The following EVL variants were observed in gnomAD, a reference collection of about 807,000 sequenced individuals.
The protein encoded by EVL is Enah/Vasp-like, also known as ena/VASP-like protein.
EVL carries 21 observed loss-of-function variants against 59.6 expected under a neutral mutation model. The ratio of observed to expected loss-of-function variants is 0.35; its 90% CI spans 0.25 to 0.51. EVL has a LOEUF of 0.51. Among genes scored for constraint, EVL ranks in the 20% least tolerant of loss-of-function variants. The pLI, the probability that EVL is intolerant of heterozygous loss-of-function variation, is 0.97. For missense variants in EVL, 462 were observed against 546.6 expected (o/e 0.85, Z 1.54); for synonymous variants, 198 against 203.5 (o/e 0.97, Z 0.23).
chr14:100,126,281 A>G (rs983477397), intron 4 of EVL, among the ~76,000 whole-genome samples: 1 of 152,168 alleles, frequency 6.6e-6, no homozygotes, highest in East Asian at 1.9e-4. Context: ...CTTTGTGTCC[A>G]TTTCTGCTGG....
At chr14:100,007,099 C>A in intron 1 of EVL, among the ~76,000 whole-genome samples, 1 of 152,054 alleles carries the variant, frequency 6.6e-6, no homozygotes, top group Middle Eastern at 3.4e-3. Context: ...TGAAGACGTG[C>A]GCCTGTCACA....
intron 1 of EVL, among the ~76,000 whole-genome samples, chr14:100,066,799 A>T (rs1413629681): frequency 6.6e-6 from 1 of 152,214 alleles, no homozygotes; most frequent in African/African-American, 2.4e-5. Flanking sequence ...AATCGTAGAA[A>T]TCCTAGAAAT....
At chr14:100,143,654 C>G in intron 13 of EVL, 47 bp from the exon 14 acceptor site, 1 of 1,564,356 alleles carries the variant, frequency 6.4e-7, no homozygotes, top group Non-Finnish European at 8.5e-7. Context: ...AGGAACCGGG[C>G]TGCACTGGTC....
Position 100,098,287 on chromosome 14 carries a change from G to A in EVL, c.358+629G>A, listed in dbSNP as rs370356325. ...CCACAGTGGTGGTGCCGTCTGAGCCGGAGTTCTGGGTGAGCAGTTCACAGG... is the reference window on the plus strand; with the variant it reads ...CCACAGTGGTGGTGCCGTCTGAGCCAGAGTTCTGGGTGAGCAGTTCACAGG... On this transcript the variant is annotated intron_variant, in intron 3 of 13. Transcript: ENST00000392920. Among the ~76,000 whole-genome samples the A allele has an allele frequency of 2.8e-4, 43 of 152,316 alleles. 1 individual carries two copies. The highest frequency in any genetic ancestry group is 1.0e-3 in the African/African-American group (43 of 41,566).
chr14:100,128,812 G>A (rs1350964648), intron 6 of EVL, 64 bp downstream of exon 6: 12 of 1,423,496 alleles, frequency 8.4e-6, no homozygotes, highest in Middle Eastern at 1.7e-4. Context: ...TCTGCAGAGC[G>A]CTTGTGTTCC....
At chr14:100,001,233 A>G (rs896067537) in intron 1 of EVL, among the ~76,000 whole-genome samples, 6 of 152,232 alleles carry the variant, frequency 3.9e-5, no homozygotes, top group African/African-American at 1.4e-4. Flanking sequence ...TAAGAAGCAC[A>G]GCTTAGTTTT....
In EVL at chr14:100,091,353, C is replaced by T. The variant is rs148667388; in HGVS notation, c.181-6128C>T. 2.8e-3 allele frequency among the ~76,000 whole-genome samples: 419 copies of T among 152,136 alleles called. 3 individuals are homozygous for T. Among genetic ancestry groups the T allele is most frequent in the Middle Eastern group, 0.01 (3 of 294 alleles). ...AGAGGAAGGAATGCTACAGAGAGGCCGAGGAGAATCTGAATCAACAGGCCT... is the reference window on the plus strand; with the variant it reads ...AGAGGAAGGAATGCTACAGAGAGGCTGAGGAGAATCTGAATCAACAGGCCT... On this transcript the variant is annotated intron_variant, in intron 2 of 13. Coordinates refer to ENST00000392920, the MANE Select transcript of EVL (RefSeq NM_016337.3).
At chr14:100,075,828 C>A (rs1242396319) in intron 1 of EVL, among the ~76,000 whole-genome samples, 2 of 152,222 alleles carry the variant, frequency 1.3e-5, no homozygotes, top group Non-Finnish European at 2.9e-5. Flanking sequence ...GCCTGTTAAT[C>A]ACCATAGAAG....
intron 7 of EVL, 138 bp from the exon 8 acceptor site, chr14:100,132,581 G>T: frequency 2.1e-6 from 2 of 963,452 alleles, no homozygotes; most frequent in Non-Finnish European, 3.3e-6. Flanking sequence ...TAGACAAGCC[G>T]CCTCCTTCAC....
intron 1 of EVL, among the ~76,000 whole-genome samples, chr14:100,007,791 G>GAGGGAGAGAC (rs2060992688): frequency 6.6e-6 from 1 of 152,162 alleles, no homozygotes; most frequent in Non-Finnish European, 1.5e-5. Flanking sequence ...GAGAGAGAGA[G>GAGGGAGAGAC]AGGGAGAGAC....
upstream of EVL, among the ~76,000 whole-genome samples, chr14:100,063,087 G>A (rs954836891): frequency 1.6e-4 from 24 of 152,172 alleles, no homozygotes; most frequent in Non-Finnish European, 1.9e-4. Flanking sequence ...GACAGCAAGA[G>A]ACCCTGCCTC....
At chr14:100,100,017 A>AC (rs1162542456) in intron 3 of EVL, among the ~76,000 whole-genome samples, 1 of 151,864 alleles carries the variant, frequency 6.6e-6, no homozygotes, top group African/African-American at 2.4e-5. Flanking sequence ...AAAAAAAAAA[A>AC]AAAACACTTT....
At chr14:100,054,705 C>A (rs2140252530) in intron 1 of EVL, among the ~76,000 whole-genome samples, 1 of 152,308 alleles carries the variant, frequency 6.6e-6, no homozygotes, top group Non-Finnish European at 1.5e-5. Context: ...CCTGTGCCTT[C>A]CCCTGGCTCC....
At chr14:100,033,275 AAC>A (rs1466435741) in intron 1 of EVL, among the ~76,000 whole-genome samples, 1 of 152,244 alleles carries the variant, frequency 6.6e-6, no homozygotes, top group African/African-American at 2.4e-5. Context: ...CAAACAAGGT[AAC>A]ACACTTTCAA....
At chr14:100,126,948 T>C (rs1307382311) in intron 5 of EVL, among the ~76,000 whole-genome samples, 177 bp downstream of exon 5, 1 of 152,170 alleles carries the variant, frequency 6.6e-6, no homozygotes, top group African/African-American at 2.4e-5. Flanking sequence ...GAGCAGAGGC[T>C]TGGGGAGTCT....
chr14:100,023,022 C>T (rs2140205283), intron 1 of EVL, among the ~76,000 whole-genome samples: 1 of 152,234 alleles, frequency 6.6e-6, no homozygotes, highest in Non-Finnish European at 1.5e-5. Flanking sequence ...TGATGATTTA[C>T]TGCTGCCTGG....
chr14:100,123,732 G>A, intron 4 of EVL, 130 bp downstream of exon 4: 1 of 842,238 alleles, frequency 1.2e-6, no homozygotes, highest in Non-Finnish European at 1.9e-6. Flanking sequence ...CTGCGGGAGG[G>A]TGCAAGGTGC....
At chr14:100,022,608 G>T (rs77256602) in intron 1 of EVL, among the ~76,000 whole-genome samples, 1,523 of 152,178 alleles carry the variant, frequency 0.01, 34 homozygotes, top group African/African-American at 0.035. Context: ...AAGGAAGTCT[G>T]ATTTTGACTC....
At chr14:100,010,602 G>T (rs182683444) in intron 1 of EVL, among the ~76,000 whole-genome samples, 14 of 152,262 alleles carry the variant, frequency 9.2e-5, no homozygotes, top group African/African-American at 3.1e-4. Flanking sequence ...TCGCCATGTT[G>T]GCCAGGCTGG....
Sources: allele counts gnomAD v4.1 joint callset (sites outside exome capture counted in the v4.1 genomes callset), GRCh38; gene constraint gnomAD v4.1.1; transcripts MANE v1.5; gene names NCBI Gene and HGNC (gene_info 2026-07-23, HGNC 2026-07-21).